CNPY3: variants seen among roughly 807,000 people sequenced by gnomAD.
The protein encoded by CNPY3 is protein canopy homolog 3.
A neutral mutation model predicts 32.0 loss-of-function variants in CNPY3; 20 were observed. The ratio of observed to expected loss-of-function variants is 0.63; its 90% CI spans 0.44 to 0.91. The LOEUF is 0.91. CNPY3 is among the 40% of genes least tolerant of loss of function. CNPY3 has a pLI of 0.00. For missense variants in CNPY3, 299 were observed against 340.8 expected (o/e 0.88, Z 0.97); for synonymous variants, 138 against 142.9 (o/e 0.97, Z 0.24).
chr6:42,931,992 G>T (rs1288009927), intron 1 of CNPY3, among the ~76,000 whole-genome samples: 1 of 152,104 alleles, frequency 6.6e-6, no homozygotes, highest in Admixed American at 6.5e-5. Flanking sequence ...CAAATTGCTG[G>T]GATTACAGGC....
chr6:42,935,430 C>G, intron 2 of CNPY3, 144 bp from the exon 3 acceptor site: 1 of 1,343,344 alleles, frequency 7.4e-7, no homozygotes, highest in Non-Finnish European at 9.7e-7. Flanking sequence ...ATCCCCCAGA[C>G]CAGATGACCT....
intron 1 of CNPY3, among the ~76,000 whole-genome samples, chr6:42,929,945 A>T (rs1471762874): frequency 6.6e-6 from 1 of 151,522 alleles, no homozygotes; most frequent in African/African-American, 2.4e-5. Flanking sequence ...AGAGTAGTAG[A>T]TGCCATGATA....
rs528020934 is a variant in CNPY3 at position 42,935,286 on chromosome 6, A to C, written c.276-288A>C. ...TGTGATCATCCTTTCAAAGAGAATG[A>C]TATTTTACTATCAAAATTTAATAAT... On this transcript the variant is annotated intron_variant, in intron 2 of 5. Coordinates refer to ENST00000372836, the MANE Select transcript of CNPY3 (RefSeq NM_006586.5). 12 of 323,650 alleles carry C rather than the reference A, an allele frequency of 3.7e-5. No individual in the cohort carries two copies. In the South Asian group the frequency reaches 1.4e-3, roughly 37 times the overall value. The allele number at this position is 323,650 out of a possible 1,614,324, so 20.0% of individuals were successfully genotyped here.
rs1467503688 is a variant in CNPY3, at chr6:42,938,106, AAG to A, written c.515_516del (p.Glu172ValfsTer2). On this transcript the variant is annotated frameshift_variant, in exon 5 of 6. Transcript: ENST00000372836. LOFTEE classifies it high-confidence loss of function. ...GATTAACAGTGTGATGTGCTGGTGG[AAG>A]AGTTTGAGGAGGTGATCGAGGACTG... 1 of 1,613,808 alleles carries A rather than the reference AAG, an allele frequency of 6.2e-7. No individual in the cohort carries two copies. The highest frequency in any genetic ancestry group is 1.7e-5 in the Admixed American group (1 of 60,018).
rs371101901 is a variant in CNPY3, at chr6:42,929,900, G to A, written c.151+179G>A. Among the ~76,000 whole-genome samples the A allele has an allele frequency of 4.6e-5, 7 of 152,268 alleles. No homozygotes were observed. The South Asian group carries it at 1.2e-3, about 27-fold the overall frequency. ...GAGATCTGGTCCCGGTACCCCTGGAGTTCACACATTGGTAGAAACAAGCAA... is the reference window on the plus strand; with the variant it reads ...GAGATCTGGTCCCGGTACCCCTGGAATTCACACATTGGTAGAAACAAGCAA... On this transcript the variant is annotated intron_variant, in intron 1 of 5. Transcript: ENST00000372836.
intron 2 of CNPY3, among the ~76,000 whole-genome samples, chr6:42,935,133 G>T (rs1462853716): frequency 6.6e-6 from 1 of 152,122 alleles, no homozygotes; most frequent in African/African-American, 2.4e-5. Context: ...CTCCCAAAGT[G>T]CTGGGATTAC....
chr6:42,936,374 G>T (rs961891966), intron 3 of CNPY3, among the ~76,000 whole-genome samples: 1 of 152,120 alleles, frequency 6.6e-6, no homozygotes, highest in African/African-American at 2.4e-5. Context: ...AAGTGTTTAA[G>T]AATTATTTTT....
intron 1 of CNPY3, 42 bp downstream of exon 1, chr6:42,929,763 C>A: frequency 6.6e-7 from 1 of 1,522,298 alleles, no homozygotes; most frequent in Non-Finnish European, 8.8e-7. Context: ...GCCGGAGGGG[C>A]TGGCTCCAGC....
intron 1 of CNPY3, among the ~76,000 whole-genome samples, chr6:42,931,070 A>C (rs1254121940): frequency 6.6e-6 from 1 of 151,844 alleles, no homozygotes; most frequent in Non-Finnish European, 1.5e-5. Context: ...TTGTGTTTTT[A>C]GTAGAGATGG....
chr6:42,929,706 C>T lies in CNPY3; in HGVS notation c.136C>T (p.Pro46Ser), dbSNP rs1335059212. 3 of 1,547,720 alleles carry T rather than the reference C, an allele frequency of 1.9e-6. No individual in the cohort carries two copies. Among genetic ancestry groups the T allele is most frequent in the Middle Eastern group, 1.8e-4 (1 of 5,430 alleles). The change falls in exon 1 of 6, where the codon CCC becomes TCC. Residue 46 changes from proline to serine, a missense_variant. Transcript: ENST00000372836. ...TGAGGAGAACGACTGGGTTCGCCTGCCCAGCAAATGCGAAGGTGAGGAGGC... is the reference window on the plus strand; with the variant it reads ...TGAGGAGAACGACTGGGTTCGCCTGTCCAGCAAATGCGAAGGTGAGGAGGC... Reference protein sequence around the residue: ...GAEENDWVRLPSKCEVCKYVA... With the variant: ...GAEENDWVRLSSKCEVCKYVA...
At chr6:42,929,817 C>T in intron 1 of CNPY3, 96 bp downstream of exon 1, 1 of 1,373,808 alleles carries the variant, frequency 7.3e-7, no homozygotes, top group Non-Finnish European at 9.7e-7. Context: ...AGGTTCCGAG[C>T]TCTGCAGGGT....
chr6:42,938,230 A>G (rs1298493921), intron 5 of CNPY3, 23 bp downstream of exon 5: 3 of 1,568,278 alleles, frequency 1.9e-6, no homozygotes, highest in Non-Finnish European at 2.6e-6. Context: ...AAGCAAGGGC[A>G]GGCTGGCTCT....
chr6:42,938,216 G>A lies in CNPY3; in HGVS notation c.613+9G>A, dbSNP rs1221152569. On this transcript the variant is annotated intron_variant, in intron 5 of 5. Coordinates refer to ENST00000372836, the MANE Select transcript of CNPY3 (RefSeq NM_006586.5). The stretch of plus-strand genomic sequence containing the variant: ...GAAGGGAAAAGACACCAGTGAGTTT[G>A]GGGAAGCAAGGGCAGGCTGGCTCTG... 6.3e-7 allele frequency: 1 copy of A among 1,593,368 alleles called. No homozygotes were observed. Among genetic ancestry groups the A allele is most frequent in the African/African-American group, 1.3e-5 (1 of 74,468 alleles).
At chr6:42,929,354 C>T (rs139690608), upstream of CNPY3, 1,105 of 576,500 alleles carry the variant, frequency 1.9e-3, 11 homozygotes, top group African/African-American at 0.019. Flanking sequence ...AGCTAGAGAG[C>T]AAACCCCAGA....
intron 1 of CNPY3, among the ~76,000 whole-genome samples, chr6:42,933,683 G>C (rs1287344977): frequency 6.6e-6 from 1 of 152,122 alleles, no homozygotes; most frequent in Non-Finnish European, 1.5e-5. Flanking sequence ...GATACATGAT[G>C]ATATATTTAT....
chr6:42,935,040 AT>A (rs60345530), intron 2 of CNPY3, among the ~76,000 whole-genome samples: 1 of 151,848 alleles, frequency 6.6e-6, no homozygotes, highest in Non-Finnish European at 1.5e-5. Context: ...AATTTTCTGT[AT>A]TTTTTTAGTA....
chr6:42,937,957 T>C, intron 4 of CNPY3, 118 bp downstream of exon 4: 9 of 1,484,860 alleles, frequency 6.1e-6, no homozygotes, highest in South Asian at 3.5e-5. Context: ...TCATTTCACC[T>C]CTCTGGCCTC....
intron 3 of CNPY3, among the ~76,000 whole-genome samples, chr6:42,936,762 C>T (rs1009778320): frequency 3.9e-5 from 6 of 152,144 alleles, no homozygotes; most frequent in Non-Finnish European, 7.4e-5. Context: ...TCTCGAACTC[C>T]TGACCTCAGG....
chr6:42,938,307 T>A, intron 5 of CNPY3, 100 bp downstream of exon 5: 1 of 938,876 alleles, frequency 1.1e-6, no homozygotes, highest in Non-Finnish European at 1.8e-6. Context: ...CCAGAGGGCA[T>A]TGTAGGATCT....
Sources: allele counts gnomAD v4.1 joint callset (sites outside exome capture counted in the v4.1 genomes callset), GRCh38; gene constraint gnomAD v4.1.1; transcripts MANE v1.5; gene names NCBI Gene and HGNC (gene_info 2026-07-23, HGNC 2026-07-21).